Variants in ARL6IP4 observed in about 807,000 individuals in gnomAD.
ARL6IP4 encodes the protein ADP-ribosylation factor-like protein 6-interacting protein 4.
ARL6IP4 carries 24 observed loss-of-function variants against 28.1 expected under a neutral mutation model. The observed-to-expected ratio is 0.86, with a 90% CI of 0.62 to 1.20. The LOEUF (loss-of-function observed/expected upper bound fraction) is 1.20, where lower values mean the gene tolerates loss of function less well. Among genes scored for constraint, ARL6IP4 ranks in the 50% most tolerant of loss-of-function variants. The probability of loss-of-function intolerance (pLI) is 0.00; values close to 1 mark genes in which losing one functional copy is unlikely to be tolerated. For synonymous variants in ARL6IP4, 162 were observed against 122.3 expected (o/e 1.32, Z -2.14); for missense variants, 343 against 302.4 (o/e 1.13, Z -1.00).
At position 122,980,755 on chromosome 12, in the gene ARL6IP4, G is replaced by A. The variant is rs1265517048; in HGVS notation, c.-12+10G>A. 4 of 1,316,452 alleles carry A rather than the reference G, an allele frequency of 3.0e-6. No homozygotes were observed. The East Asian group carries it at 9.4e-5, about 31-fold the overall frequency. 81.5% of individuals were successfully genotyped at this position (1,316,452 alleles called of 1,614,324 possible). A position where few individuals can be genotyped will look rare whatever the true frequency, so the allele number is the denominator to read the frequency against. On this transcript the variant is annotated intron_variant, in intron 1 of 5. Transcript: ENST00000315580. ...CCGCAGGGCGGTCGAGGTGGGAACG[G>A]AGCAGCCCCGGGGGCCCCCTTGAGG...
rs762606945 is a variant in ARL6IP4 at position 122,982,723 on chromosome 12, T to C, written c.*47T>C. 2 of 1,591,832 alleles carry C rather than the reference T, an allele frequency of 1.3e-6. No homozygotes were observed. Among genetic ancestry groups the C allele is most frequent in the African/African-American group, 1.3e-5 (1 of 74,442 alleles). ...TGTGGACGACGCTGGCGGCCCAGCC[T>C]GGGCAGGTTTCAGGGTGCCAGTGGG... On this transcript the variant is annotated 3_prime_UTR_variant, in exon 6 of 6. Transcript: ENST00000315580.
In ARL6IP4 at chr12:122,982,030, G is replaced by A. The variant is rs774308051; in HGVS notation, c.543G>A (p.Gln181=). ...CCAAGGAGGAGTGGGATGCCCGGCA[G>A]AGCATCATCCGCAAGGTGGTGGACC... is the stretch of plus-strand genomic sequence containing the variant. The part of the protein sequence containing the change: ...PMTKEEWDAR[Q]SIIRKVVDPE... The change falls in exon 4 of 6, where the codon CAG becomes CAA. Residue 181 remains glutamine, a synonymous_variant. Transcript: ENST00000315580. 1.2e-6 allele frequency: 2 copies of A among 1,613,562 alleles called. No homozygotes were observed. The highest frequency in any genetic ancestry group is 2.7e-5 in the African/African-American group (2 of 74,948).
chr12:122,981,557 T>G lies in ARL6IP4; in HGVS notation c.161-14T>G, dbSNP rs2037657761. 1 of 1,532,144 alleles carries G rather than the reference T, an allele frequency of 6.5e-7. No homozygotes were observed. The highest frequency in any genetic ancestry group is 1.4e-5 in the African/African-American group (1 of 73,372). 94.9% of individuals were successfully genotyped at this position (1,532,144 alleles called of 1,614,324 possible). A position where few individuals can be genotyped will look rare whatever the true frequency, so the allele number is the denominator to read the frequency against. ...GGGGACGAAGGTTTACCTCTTCCCC[T>G]CCTGGCCTTCCAGCCTCACCTTCTC... On this transcript the variant is annotated splice_polypyrimidine_tract_variant and intron_variant, in intron 2 of 5. Coordinates refer to ENST00000315580, the MANE Select transcript of ARL6IP4 (RefSeq NM_018694.4).
rs977578175 is a variant in ARL6IP4 at position 122,981,631 on chromosome 12, C to G, written c.221C>G (p.Ser74Cys). 1.3e-6 allele frequency: 2 copies of G among 1,560,966 alleles called. No homozygotes were observed. Among genetic ancestry groups the G allele is most frequent in the South Asian group, 1.2e-5 (1 of 85,412 alleles). The part of the protein sequence containing the change: ...SKQKARRRTR[S>C]SSSSSSSSSS... ...CAGAAGGCCCGGAGGAGAACAAGAT[C>G]CAGCTCCTCCTCCTCTTCTTCCAGT... is the stretch of plus-strand genomic sequence containing the variant. Residue 74 changes from serine to cysteine, a missense_variant, in exon 3 of 6, where the codon TCC (serine) becomes TGC (cysteine). Ser to Cys is a moderately radical substitution (Grantham distance 112, BLOSUM62 -1). Coordinates refer to ENST00000315580, the MANE Select transcript of ARL6IP4 (RefSeq NM_018694.4).
Position 122,981,159 on chromosome 12 carries a change from G to A in ARL6IP4, c.20G>A (p.Arg7His), listed in dbSNP as rs1268848330. 1.9e-6 allele frequency: 3 copies of A among 1,549,068 alleles called. No homozygotes were observed. Among genetic ancestry groups the A allele is most frequent in the East Asian group, 2.5e-5 (1 of 40,776 alleles). ...GGCGCCATGGCTCACGTCGGCTCCCGCAAGCGCTCGAGGAGTCGCAGCCGG... is the reference window on the plus strand; with the variant it reads ...GGCGCCATGGCTCACGTCGGCTCCCACAAGCGCTCGAGGAGTCGCAGCCGG... MAHVGS[R>H]KRSRSRSRSR... The change falls in exon 2 of 6, where the codon CGC (arginine) becomes CAC (histidine). Residue 7 changes from arginine (R) to histidine (H), a missense_variant. Transcript: ENST00000315580.
chr12:122,982,063 G>A lies in ARL6IP4; in HGVS notation c.576G>A (p.Thr192=), dbSNP rs2037698283. The change falls in exon 4 of 6, where the codon ACG becomes ACA. Residue 192 remains threonine (T), a synonymous_variant. Coordinates refer to ENST00000315580, the MANE Select transcript of ARL6IP4 (RefSeq NM_018694.4). The part of the protein sequence containing the change: ...SIIRKVVDPE[T]GRTRLIKGDG... The stretch of plus-strand genomic sequence containing the variant: ...TCCGCAAGGTGGTGGACCCTGAGAC[G>A]GGGCGCACCAGGTGGGGAGCTTTCG... 3.1e-6 allele frequency: 5 copies of A among 1,613,462 alleles called. No homozygotes were observed. The highest frequency in any genetic ancestry group is 1.1e-5 in the South Asian group (1 of 91,084).
upstream of ARL6IP4, chr12:122,980,377 C>G: frequency 7.5e-7 from 1 of 1,325,068 alleles, no homozygotes. Context: ...CAGTCTGGAG[C>G]TCGCAGTCGT....
At position 122,982,582 on chromosome 12, in the gene ARL6IP4, T is replaced by G. The variant is rs758312225; in HGVS notation, c.658-38T>G. The G allele has an allele frequency of 2.4e-5, 39 of 1,614,136 alleles. No homozygotes were observed. The African/African-American group carries it at 4.3e-4, about 18-fold the overall frequency. ...CCTGCCATCCGCCCCCAGCTCTGTT[T>G]GTGATGTACCCCTCCTCCTGTGTGC... On this transcript the variant is annotated intron_variant, in intron 5 of 5. Transcript: ENST00000315580.
At chr12:122,980,332 C>A, upstream of ARL6IP4, 1 of 1,303,694 alleles carries the variant, frequency 7.7e-7, no homozygotes, top group Non-Finnish European at 9.7e-7. Context: ...ACCTCTGAGT[C>A]ACTGGGTGGG....
Position 122,982,823 on chromosome 12 carries a change from G to A in ARL6IP4, c.*147G>A. ...CAGCCCAGTCTCTTCTCAGGGGCAG[G>A]GGGTGGAGGTTGGGGTCACCGGCCT... On this transcript the variant is annotated 3_prime_UTR_variant, in exon 6 of 6. Coordinates refer to ENST00000315580, the MANE Select transcript of ARL6IP4 (RefSeq NM_018694.4). 1 of 857,746 alleles carries A rather than the reference G, an allele frequency of 1.2e-6. No homozygotes were observed. The highest frequency in any genetic ancestry group is 2.4e-5 in the Admixed American group (1 of 42,184). The allele number at this position is 857,746 out of a possible 1,614,324, so 53.1% of individuals were successfully genotyped here.
At position 122,982,674 on chromosome 12, in the gene ARL6IP4, T is replaced by C; in HGVS notation, c.712T>C (p.Ter238ArgextTer72). Residue 238 changes from the stop codon to arginine (R), a stop_lost, in exon 6 of 6, where the codon TGA becomes CGA. Transcript: ENST00000315580. The stretch of plus-strand genomic sequence containing the variant: ...CCAGATGCGAGCTGGGTTGCTTCCC[T>C]GAGGGCCCCCGCTGGCCAAGGCCTG... ...AFQMRAGLLP[*>R] 6.2e-7 allele frequency: 1 copy of C among 1,613,600 alleles called. No individual in the cohort carries two copies. The highest frequency in any genetic ancestry group is 8.5e-7 in the Non-Finnish European group (1 of 1,179,988).
At position 122,981,167 on chromosome 12, in the gene ARL6IP4, T is replaced by G; in HGVS notation, c.28T>G (p.Ser10Ala). Residue 10 changes from serine (S) to alanine (A), a missense_variant, in exon 2 of 6, where the codon TCG becomes GCG. By Grantham distance (99) the Ser-to-Ala change is moderately conservative. Transcript: ENST00000315580. ...GGCTCACGTCGGCTCCCGCAAGCGC[T>G]CGAGGAGTCGCAGCCGGTCCCGGGG... is the stretch of plus-strand genomic sequence containing the variant. MAHVGSRKRSRSRSRSRGRG... is the reference protein window; with the variant it reads MAHVGSRKRARSRSRSRGRG... 6.5e-7 allele frequency: 1 copy of G among 1,549,178 alleles called. No individual in the cohort carries two copies. Among genetic ancestry groups the G allele is most frequent in the Non-Finnish European group, 8.7e-7 (1 of 1,146,574 alleles).
chr12:122,980,961 A>G, intron 1 of ARL6IP4, 168 bp from the exon 2 acceptor site: 1 of 1,384,482 alleles, frequency 7.2e-7, no homozygotes, highest in African/African-American at 1.5e-5. Flanking sequence ...GAGTCGGCGG[A>G]GAAAACCGGG....
Position 122,981,215 on chromosome 12 carries a change from A to G in ARL6IP4, c.76A>G (p.Lys26Glu), listed in dbSNP as rs570588943. ...GGGACGGGGGTCGGAAAAGAGAAAG[A>G]AGAAGAGCAGGAAAGACACCTCGAG... ...SRGRGSEKRK[K>E]KSRKDTSRNC... is the part of the protein sequence containing the mutation. The change falls in exon 2 of 6, where the codon AAG becomes GAG. Residue 26 changes from lysine (K) to glutamate (E), a missense_variant. Transcript: ENST00000315580. 2 of 1,549,872 alleles carry G rather than the reference A, an allele frequency of 1.3e-6. No homozygotes were observed. Among genetic ancestry groups the G allele is most frequent in the Admixed American group, 3.9e-5 (2 of 50,964 alleles).
In ARL6IP4 at chr12:122,980,726, C is replaced by A; in HGVS notation, c.-31C>A. On this transcript the variant is annotated 5_prime_UTR_variant, in exon 1 of 6. Coordinates refer to ENST00000315580, the MANE Select transcript of ARL6IP4 (RefSeq NM_018694.4). ...TCGAGAAGGCGCGGGGCGGGCTGTC[C>A]GGCCCGCAGGGCGGTCGAGGTGGGA... 7.6e-7 allele frequency: 1 copy of A among 1,323,766 alleles called. No individual in the cohort carries two copies. Among genetic ancestry groups the A allele is most frequent in the South Asian group, 2.0e-5 (1 of 48,820 alleles). 82.0% of individuals were successfully genotyped at this position (1,323,766 alleles called of 1,614,324 possible).
chr12:122,982,164 T>G, intron 4 of ARL6IP4, 90 bp downstream of exon 4: 1 of 1,471,598 alleles, frequency 6.8e-7, no homozygotes. Context: ...CCGGGCGGGG[T>G]TCCTGGTGCC....
chr12:122,980,842 G>A (rs967584474), intron 1 of ARL6IP4, 97 bp downstream of exon 1: 43 of 1,331,612 alleles, frequency 3.2e-5, no homozygotes, highest in Non-Finnish European at 3.9e-5. Context: ...CGCCCCAGAC[G>A]CCACTCGCGG....
chr12:122,980,772 C>G (rs2037609187), intron 1 of ARL6IP4, 27 bp downstream of exon 1: 1 of 1,304,588 alleles, frequency 7.7e-7, no homozygotes, highest in Non-Finnish European at 9.7e-7. Flanking sequence ...CCCGGGGGCC[C>G]CCTTGAGGCG....
chr12:122,982,792 C>G lies in ARL6IP4; in HGVS notation c.*116C>G. On this transcript the variant is annotated 3_prime_UTR_variant, in exon 6 of 6. Coordinates refer to ENST00000315580, the MANE Select transcript of ARL6IP4 (RefSeq NM_018694.4). ...TGGCCTTTCCCCCGTGGATTGGTCT[C>G]TGGCCCAGCCCAGTCTCTTCTCAGG... 1.8e-6 allele frequency: 2 copies of G among 1,112,484 alleles called. No homozygotes were observed. The highest frequency in any genetic ancestry group is 1.5e-5 in the African/African-American group (1 of 65,030). 68.9% of individuals were successfully genotyped at this position (1,112,484 alleles called of 1,614,324 possible). A position where few individuals can be genotyped will look rare whatever the true frequency, so the allele number is the denominator to read the frequency against.
Sources: allele counts gnomAD v4.1 joint callset, GRCh38; gene constraint gnomAD v4.1.1; transcripts MANE v1.5; gene names NCBI Gene and HGNC (gene_info 2026-07-23, HGNC 2026-07-21).